ZNRF1: variants seen among roughly 807,000 people sequenced by gnomAD.
ZNRF1 encodes the protein E3 ubiquitin-protein ligase ZNRF1.
A neutral mutation model predicts 18.4 loss-of-function variants in ZNRF1; 3 were observed. The observed-to-expected ratio is 0.16, with a 90% confidence interval of 0.07 to 0.42. The LOEUF (loss-of-function observed/expected upper bound fraction) is 0.42. Ranked by LOEUF, ZNRF1 falls within the 10% of genes least tolerant of loss-of-function variation. The pLI, the probability that ZNRF1 is intolerant of heterozygous loss-of-function variation, is 0.99. For missense variants in ZNRF1, 310 were observed against 329.8 expected, an observed-to-expected ratio of 0.94 and a Z score of 0.47; for synonymous variants, 157 against 144.2, an observed-to-expected ratio of 1.09 and a Z score of -0.64.
At chr16:75,044,492 G>T (rs1329184245) in intron 1 of ZNRF1, among the ~76,000 whole-genome samples, 1 of 151,846 alleles carries the variant, frequency 6.6e-6, no homozygotes, top group Non-Finnish European at 1.5e-5. Flanking sequence ...CTCCAAAAGT[G>T]CTGGGATTAT....
At chr16:75,092,369 C>T (rs1187284037) in intron 1 of ZNRF1, among the ~76,000 whole-genome samples, 1 of 152,060 alleles carries the variant, frequency 6.6e-6, no homozygotes, top group Admixed American at 6.5e-5. Context: ...GTTTGAGGGT[C>T]AGCTGTTGTT....
intron 1 of ZNRF1, among the ~76,000 whole-genome samples, chr16:75,030,852 T>G (rs1230231952): frequency 6.1e-5 from 9 of 147,112 alleles, no homozygotes; most frequent in African/African-American, 2.3e-4. Context: ...TTTTTTTTTT[T>G]TTTGTTAAGA....
chr16:75,015,468 A>T (rs2035053779), intron 1 of ZNRF1, among the ~76,000 whole-genome samples: 1 of 152,178 alleles, frequency 6.6e-6, no homozygotes, highest in South Asian at 2.1e-4. Context: ...CCAGCTACTC[A>T]GGAGGCTGAG....
chr16:75,053,743 A>G (rs1393125773), intron 1 of ZNRF1, among the ~76,000 whole-genome samples: 1 of 152,152 alleles, frequency 6.6e-6, no homozygotes, highest in Non-Finnish European at 1.5e-5. Context: ...ATAAGTAGTA[A>G]TTTCCTCACA....
At chr16:75,020,002 C>A (rs141557493) in intron 1 of ZNRF1, among the ~76,000 whole-genome samples, 1 of 152,192 alleles carries the variant, frequency 6.6e-6, no homozygotes. Flanking sequence ...TGAGCCACCG[C>A]GCCCAGCCAG....
chr16:75,080,381 C>T (rs1034519734), intron 1 of ZNRF1, among the ~76,000 whole-genome samples: 9 of 152,294 alleles, frequency 5.9e-5, no homozygotes, highest in African/African-American at 1.9e-4. Context: ...TGGTTTTATT[C>T]CATATGAGCA....
chr16:75,005,638 C>T (rs998580595), intron 1 of ZNRF1, among the ~76,000 whole-genome samples: 3 of 152,190 alleles, frequency 2.0e-5, no homozygotes, highest in African/African-American at 7.2e-5. Flanking sequence ...AGTACCTCAC[C>T]TGAACCCTAT....
chr16:75,099,490 G>A (rs923820431), intron 2 of ZNRF1, among the ~76,000 whole-genome samples: 1 of 152,164 alleles, frequency 6.6e-6, no homozygotes, highest in African/African-American at 2.4e-5. Flanking sequence ...AGAGGGACAG[G>A]CACTGACACC....
intron 1 of ZNRF1, among the ~76,000 whole-genome samples, chr16:75,068,188 TAAAAAAAAAAAA>T (rs57755915): frequency 1.1e-5 from 1 of 88,956 alleles, no homozygotes; most frequent in South Asian, 4.5e-4. Context: ...GACCTTGTCT[TAAAAAAAAAAAA>T]AAAAAAAAAA....
intron 1 of ZNRF1, among the ~76,000 whole-genome samples, chr16:75,031,363 C>G (rs1471954195): frequency 6.6e-6 from 1 of 152,046 alleles, no homozygotes; most frequent in Non-Finnish European, 1.5e-5. Flanking sequence ...ATCTCCCGAC[C>G]TCGTGATCTG....
At chr16:75,045,615 G>T (rs1217114323) in intron 1 of ZNRF1, among the ~76,000 whole-genome samples, 1 of 152,060 alleles carries the variant, frequency 6.6e-6, no homozygotes, top group African/African-American at 2.4e-5. Context: ...TGTTGCCCAG[G>T]CTGGCCTCCT....
At chr16:75,057,741 T>C (rs1294501984) in intron 1 of ZNRF1, among the ~76,000 whole-genome samples, 1 of 152,222 alleles carries the variant, frequency 6.6e-6, no homozygotes, top group African/African-American at 2.4e-5. Context: ...GTTCAAGTGA[T>C]TCTCTTGCCT....
At chr16:75,064,853 G>A (rs189809468) in intron 1 of ZNRF1, among the ~76,000 whole-genome samples, 20 of 152,296 alleles carry the variant, frequency 1.3e-4, no homozygotes, top group Admixed American at 5.2e-4. Flanking sequence ...AGAGCTTTTC[G>A]GAAGAACCGA....
rs182436905 is a variant in ZNRF1 at position 75,020,335 on chromosome 16, T to C, written c.424+20240T>C. On this transcript the variant is annotated intron_variant, in intron 1 of 4. Transcript: ENST00000335325. ...TGAATGACATATAGTTGGATTTTTT[T>C]CCAGCCTATTTTGAGACTGTCTTTT... Among the ~76,000 whole-genome samples the C allele has an allele frequency of 1.1e-3, 175 of 152,268 alleles. 1 individual carries two copies. Among genetic ancestry groups the C allele is most frequent in the Non-Finnish European group, 6.3e-4 (43 of 68,018 alleles).
chr16:75,059,460 C>T (rs980442665), intron 1 of ZNRF1, among the ~76,000 whole-genome samples: 1 of 151,848 alleles, frequency 6.6e-6, no homozygotes, highest in African/African-American at 2.4e-5. Flanking sequence ...GTTAGCCAGG[C>T]TGGATATCTT....
At chr16:75,037,079 A>G (rs2035385154) in intron 1 of ZNRF1, among the ~76,000 whole-genome samples, 1 of 152,196 alleles carries the variant, frequency 6.6e-6, no homozygotes. Flanking sequence ...TTTCCATCTT[A>G]CAGATGGGAA....
chr16:75,012,783 G>C (rs979141899), intron 1 of ZNRF1, among the ~76,000 whole-genome samples: 5 of 152,180 alleles, frequency 3.3e-5, no homozygotes, highest in African/African-American at 1.2e-4. Flanking sequence ...CAGACGGGAA[G>C]GGCTGAACGG....
chr16:75,026,106 G>A (rs935015077), intron 1 of ZNRF1, among the ~76,000 whole-genome samples: 2 of 152,134 alleles, frequency 1.3e-5, no homozygotes, highest in Non-Finnish European at 2.9e-5. Flanking sequence ...AGGTCAGCAG[G>A]GGCCTGAATT....
intron 1 of ZNRF1, among the ~76,000 whole-genome samples, chr16:75,085,569 A>T (rs1289597937): frequency 6.6e-6 from 1 of 152,188 alleles, no homozygotes; most frequent in East Asian, 1.9e-4. Flanking sequence ...TGCTTGGGTC[A>T]CAGGCTAGGT....
Sources: allele counts gnomAD v4.1 joint callset (sites outside exome capture counted in the v4.1 genomes callset), GRCh38; gene constraint gnomAD v4.1.1; transcripts MANE v1.5; gene names NCBI Gene and HGNC (gene_info 2026-07-23, HGNC 2026-07-21).